Variants in CPQ observed in about 807,000 individuals in gnomAD.
CPQ encodes the protein carboxypeptidase Q, also known as Ser-Met dipeptidase.
Under a neutral mutation model 45.7 loss-of-function variants are expected in CPQ, and 37 were observed. That is an observed-to-expected ratio of 0.81 (90% CI 0.62 to 1.07). The LOEUF is 1.07. Among genes scored for constraint, CPQ ranks in the 50% least tolerant of loss-of-function variants. The pLI, the probability that CPQ is intolerant of heterozygous loss-of-function variation, is 0.00. For synonymous variants in CPQ, 186 were observed against 205.8 expected, an observed-to-expected ratio of 0.90 and a Z score of 0.82; for missense variants, 537 against 572.9, an observed-to-expected ratio of 0.94 and a Z score of 0.64.
chr8:97,131,870 C>T (rs10504970), intron 7 of CPQ, among the ~76,000 whole-genome samples: 10,865 of 152,118 alleles, frequency 0.071, 494 homozygotes, highest in Non-Finnish European at 0.1. Flanking sequence ...AATACCAGTC[C>T]GTAAGTGGAT....
At position 96,750,117 on chromosome 8, in the gene CPQ, C is replaced by G. The variant is rs191120834; in HGVS notation, c.-34-34747C>G. Among the ~76,000 whole-genome samples, 432 of 151,482 alleles carry G rather than the reference C, an allele frequency of 2.9e-3. 4 individuals are homozygous for G. The highest frequency in any genetic ancestry group is 9.8e-3 in the African/African-American group (407 of 41,328). On this transcript the variant is annotated intron_variant, in intron 1 of 7. Transcript: ENST00000220763. The stretch of plus-strand genomic sequence containing the variant: ...TAGATTATGATTATTTTTTGTAAAA[C>G]AGATATATACATGTATATATATATT...
At chr8:96,894,154 C>T (rs1183323668) in intron 4 of CPQ, among the ~76,000 whole-genome samples, 2 of 152,190 alleles carry the variant, frequency 1.3e-5, no homozygotes, top group African/African-American at 4.8e-5. Flanking sequence ...GTAAATCCAA[C>T]AGGTCCAGTC....
intron 5 of CPQ, among the ~76,000 whole-genome samples, chr8:97,020,619 C>A (rs1033163428): frequency 1.3e-5 from 2 of 152,020 alleles, no homozygotes; most frequent in African/African-American, 2.4e-5. Flanking sequence ...AACTAGAAAA[C>A]CTACAGGAGA....
At chr8:96,718,358 C>T (rs1384830342) in intron 1 of CPQ, among the ~76,000 whole-genome samples, 2 of 152,092 alleles carry the variant, frequency 1.3e-5, no homozygotes, top group Non-Finnish European at 2.9e-5. Context: ...TTCGGAGTTT[C>T]TTCCTTCTGG....
At position 96,910,665 on chromosome 8, in the gene CPQ, T is replaced by C. The variant is rs534944009; in HGVS notation, c.849+30660T>C. Among the ~76,000 whole-genome samples the C allele has an allele frequency of 4.5e-3, 681 of 152,208 alleles. 7 individuals are homozygous for C. Among genetic ancestry groups the C allele is most frequent in the African/African-American group, 0.015 (638 of 41,554 alleles). ...GACTACAGGGGCCTGCCACCACGCC[T>C]GGCTAATTTTTTGTATATTTAGTAG... On this transcript the variant is annotated intron_variant, in intron 4 of 7. Transcript: ENST00000220763.
At position 96,716,476 on chromosome 8, in the gene CPQ, C is replaced by T. The variant is rs138030097; in HGVS notation, c.-34-68388C>T. ...CTGAATGTGTATTCTTATTTCTCAT[C>T]CCACTTCCACCCTTTCCTTGGAGTT... On this transcript the variant is annotated intron_variant, in intron 1 of 7. Coordinates refer to ENST00000220763, the MANE Select transcript of CPQ (RefSeq NM_016134.4). 2.2e-3 allele frequency among the ~76,000 whole-genome samples: 334 copies of T among 152,294 alleles called. 2 individuals are homozygous for T. Among genetic ancestry groups the T allele is most frequent in the African/African-American group, 7.7e-3 (318 of 41,560 alleles).
At chr8:97,010,737 T>A (rs1482770832) in intron 5 of CPQ, among the ~76,000 whole-genome samples, 1 of 152,148 alleles carries the variant, frequency 6.6e-6, no homozygotes, top group Non-Finnish European at 1.5e-5. Context: ...TCTGGTATAA[T>A]CTCCTTCTCT....
At chr8:96,830,536 G>C (rs770389675) in intron 2 of CPQ, among the ~76,000 whole-genome samples, 16 of 152,000 alleles carry the variant, frequency 1.1e-4, no homozygotes, top group Non-Finnish European at 1.5e-4. Context: ...AGGAACCTGA[G>C]GATTTTTATA....
chr8:96,720,846 C>T (rs913392885), intron 1 of CPQ, among the ~76,000 whole-genome samples: 7 of 152,066 alleles, frequency 4.6e-5, no homozygotes, highest in African/African-American at 1.2e-4. Flanking sequence ...AATTTTCATC[C>T]GTTGGGGATG....
intron 4 of CPQ, among the ~76,000 whole-genome samples, chr8:96,903,687 T>C (rs1188851728): frequency 6.6e-6 from 1 of 152,176 alleles, no homozygotes. Context: ...GAAGTAGCTG[T>C]CAAGCAGCTA....
chr8:97,075,704 A>G (rs1365855150), intron 7 of CPQ, among the ~76,000 whole-genome samples: 1 of 152,218 alleles, frequency 6.6e-6, no homozygotes, highest in Non-Finnish European at 1.5e-5. Flanking sequence ...TTAAATAATT[A>G]GGAAATGTAG....
At chr8:97,017,254 C>T (rs1809597115) in intron 5 of CPQ, among the ~76,000 whole-genome samples, 1 of 152,188 alleles carries the variant, frequency 6.6e-6, no homozygotes, top group South Asian at 2.1e-4. Context: ...AGAAAAGTCC[C>T]TGTGGGCTCG....
At chr8:96,906,950 T>G (rs1463375142) in intron 4 of CPQ, among the ~76,000 whole-genome samples, 1 of 152,184 alleles carries the variant, frequency 6.6e-6, no homozygotes, top group Non-Finnish European at 1.5e-5. Flanking sequence ...TATTAGAAAA[T>G]AGAATCTGCC....
At chr8:96,737,527 T>G (rs1257775092) in intron 1 of CPQ, among the ~76,000 whole-genome samples, 1 of 152,000 alleles carries the variant, frequency 6.6e-6, no homozygotes, top group Non-Finnish European at 1.5e-5. Context: ...AGATGTAGGC[T>G]GGGAGACTAG....
intron 2 of CPQ, among the ~76,000 whole-genome samples, chr8:96,786,467 G>A (rs1792277760): frequency 6.6e-6 from 1 of 152,046 alleles, no homozygotes; most frequent in Non-Finnish European, 1.5e-5. Context: ...TAGATATTAT[G>A]AATAGTGCTG....
intron 7 of CPQ, among the ~76,000 whole-genome samples, chr8:97,142,794 C>T (rs141759504): frequency 2.0e-5 from 3 of 152,274 alleles, no homozygotes; most frequent in African/African-American, 4.8e-5. Flanking sequence ...TCTTTGTCAA[C>T]GAAGTTAAAG....
chr8:97,098,008 T>C (rs1811238599), intron 7 of CPQ, among the ~76,000 whole-genome samples: 1 of 152,208 alleles, frequency 6.6e-6, no homozygotes, highest in African/African-American at 2.4e-5. Context: ...ACATACAGCA[T>C]TGTCTCTATC....
chr8:96,740,361 G>A (rs1810068306), intron 1 of CPQ, among the ~76,000 whole-genome samples: 1 of 152,058 alleles, frequency 6.6e-6, no homozygotes, highest in Non-Finnish European at 1.5e-5. Context: ...GGAGGTTTTG[G>A]GCTGAGAAGA....
intron 7 of CPQ, among the ~76,000 whole-genome samples, chr8:97,117,202 A>C (rs1811610018): frequency 6.6e-6 from 1 of 152,230 alleles, no homozygotes; most frequent in South Asian, 2.1e-4. Flanking sequence ...TTATAAAATC[A>C]TGAGGTTCTC....
Sources: allele counts gnomAD v4.1 joint callset (sites outside exome capture counted in the v4.1 genomes callset), GRCh38; gene constraint gnomAD v4.1.1; transcripts MANE v1.5; gene names NCBI Gene and HGNC (gene_info 2026-07-23, HGNC 2026-07-21).